LHFPL3: variants seen among roughly 807,000 people sequenced by gnomAD.
The protein encoded by LHFPL3 is LHFPL tetraspan subfamily member 3 protein.
LHFPL3 carries 5 observed loss-of-function variants against 19.3 expected under a neutral mutation model. The observed-to-expected ratio is 0.26, with a 90% CI of 0.14 to 0.54. The LOEUF is 0.54. LHFPL3 is among the 20% of genes least tolerant of loss of function. LHFPL3 has a pLI of 0.94. For synonymous variants in LHFPL3, 133 were observed against 126.2 expected, an observed-to-expected ratio of 1.05 and a Z score of -0.36; for missense variants, 249 against 307.4, an observed-to-expected ratio of 0.81 and a Z score of 1.42.
chr7:104,744,988 C>T (rs1348009622), intron 2 of LHFPL3, among the ~76,000 whole-genome samples: 1 of 152,170 alleles, frequency 6.6e-6, no homozygotes, highest in Non-Finnish European at 1.5e-5. Context: ...AAGCCTCCTC[C>T]CATCCCTTCA....
At chr7:104,708,830 C>T (rs1448945241) in intron 1 of LHFPL3, among the ~76,000 whole-genome samples, 15 of 152,262 alleles carry the variant, frequency 9.9e-5, no homozygotes, top group Admixed American at 5.9e-4. Context: ...TGTTGTTTCT[C>T]ATTACAGCAG....
At chr7:104,669,476 C>G in intron 1 of LHFPL3, 3 of 1,612,500 alleles carry the variant, frequency 1.9e-6, no homozygotes, top group Non-Finnish European at 2.5e-6. Context: ...CCAAAGAAAC[C>G]TGAGGAAAAT....
chr7:104,761,387 A>G (rs1331210509), intron 2 of LHFPL3, among the ~76,000 whole-genome samples: 2 of 152,280 alleles, frequency 1.3e-5, no homozygotes, highest in South Asian at 4.1e-4. Flanking sequence ...AATGAAAAAA[A>G]TCATAATAAT....
At chr7:104,462,485 C>T (rs1409702290) in intron 1 of LHFPL3, among the ~76,000 whole-genome samples, 2 of 152,156 alleles carry the variant, frequency 1.3e-5, no homozygotes, top group Admixed American at 1.3e-4. Context: ...TTGAGATAAT[C>T]ATGATGTATC....
intron 1 of LHFPL3, among the ~76,000 whole-genome samples, chr7:104,711,669 C>T (rs958323711): frequency 1.3e-5 from 2 of 152,078 alleles, no homozygotes; most frequent in South Asian, 4.1e-4. Context: ...ATCAGGACTG[C>T]CAACAAGCAG....
chr7:104,440,763 T>A (rs181308325), intron 1 of LHFPL3, among the ~76,000 whole-genome samples: 2 of 152,178 alleles, frequency 1.3e-5, no homozygotes, highest in African/African-American at 4.8e-5. Flanking sequence ...GTTGGTTATC[T>A]ACATGTAGAA....
At chr7:104,904,016 C>T (rs77021060) in intron 2 of LHFPL3, among the ~76,000 whole-genome samples, 13,575 of 152,236 alleles carry the variant, frequency 0.089, 847 homozygotes, top group Non-Finnish European at 0.13. Context: ...AAACTGCTTT[C>T]CACAGTGGTT....
intron 1 of LHFPL3, among the ~76,000 whole-genome samples, chr7:104,403,786 G>C (rs2078484): frequency 0.023 from 3,455 of 150,016 alleles, 137 homozygotes; most frequent in African/African-American, 0.081. Context: ...CTCTAATGGA[G>C]GTGTCATTCC....
chr7:104,598,331 G>A (rs1790902966), intron 1 of LHFPL3, among the ~76,000 whole-genome samples: 1 of 152,186 alleles, frequency 6.6e-6, no homozygotes, highest in African/African-American at 2.4e-5. Flanking sequence ...CATATCAGCT[G>A]CCTACAAGAG....
chr7:104,863,011 G>C (rs557121322), intron 2 of LHFPL3, among the ~76,000 whole-genome samples: 1 of 152,134 alleles, frequency 6.6e-6, no homozygotes. Context: ...AGATGTGGAC[G>C]GCAGAGCCCA....
intron 1 of LHFPL3, among the ~76,000 whole-genome samples, chr7:104,491,110 A>T (rs527357544): frequency 6.6e-6 from 1 of 152,062 alleles, no homozygotes; most frequent in Admixed American, 6.5e-5. Context: ...GCCTCAGTCC[A>T]ACTATGACTC....
chr7:104,644,918 A>G (rs1200212134), intron 1 of LHFPL3, among the ~76,000 whole-genome samples: 1 of 152,158 alleles, frequency 6.6e-6, no homozygotes, highest in Non-Finnish European at 1.5e-5. Flanking sequence ...GTTTTGAAAA[A>G]TAGTGTTGAG....
At chr7:104,719,542 C>A (rs1217166505) in intron 1 of LHFPL3, among the ~76,000 whole-genome samples, 1 of 152,092 alleles carries the variant, frequency 6.6e-6, no homozygotes, top group Non-Finnish European at 1.5e-5. Context: ...TTCTAAAGTT[C>A]TTGGCACTAC....
At chr7:104,511,379 G>T (rs1015847997) in intron 1 of LHFPL3, among the ~76,000 whole-genome samples, 4 of 152,132 alleles carry the variant, frequency 2.6e-5, no homozygotes, top group African/African-American at 9.7e-5. Context: ...ATGTAAAATG[G>T]TACAGCCACT....
chr7:104,381,011 A>G (rs1227722960), intron 1 of LHFPL3, among the ~76,000 whole-genome samples: 1 of 152,248 alleles, frequency 6.6e-6, no homozygotes, highest in Non-Finnish European at 1.5e-5. Flanking sequence ...TTTAAGGCAT[A>G]TAAATTGGTA....
chr7:104,690,293 T>C (rs1171727086), intron 1 of LHFPL3, among the ~76,000 whole-genome samples: 1 of 152,262 alleles, frequency 6.6e-6, no homozygotes, highest in Non-Finnish European at 1.5e-5. Flanking sequence ...GCCACTGATT[T>C]GGCAAATGTC....
intron 1 of LHFPL3, among the ~76,000 whole-genome samples, chr7:104,431,320 A>G (rs1791998902): frequency 6.6e-6 from 1 of 152,086 alleles, no homozygotes; most frequent in South Asian, 2.1e-4. Flanking sequence ...TATTCTATTC[A>G]TTTTTATAAA....
At chr7:104,824,624 TTA>T (rs1420234503) in intron 2 of LHFPL3, among the ~76,000 whole-genome samples, 3 of 75,430 alleles carry the variant, frequency 4.0e-5, no homozygotes, top group Non-Finnish European at 6.8e-5. Context: ...ATATATTATT[TTA>T]TATATATTAT....
intron 1 of LHFPL3, among the ~76,000 whole-genome samples, chr7:104,732,294 G>T (rs975244290): frequency 6.6e-6 from 1 of 152,164 alleles, no homozygotes; most frequent in Non-Finnish European, 1.5e-5. Context: ...GTTTCGGAAG[G>T]CTTGGTACCA....
Sources: gnomAD v4.1 joint callset for allele counts (sites outside exome capture counted in the v4.1 genomes callset) on GRCh38, gnomAD v4.1.1 for gene constraint, MANE v1.5 for transcripts, NCBI Gene and HGNC (gene_info 2026-07-23, HGNC 2026-07-21) for gene names.